ZNF236: variants seen among roughly 807,000 people sequenced by gnomAD.
The protein encoded by ZNF236 is zinc finger protein 236, also known as regulated by glucose.
Under a neutral mutation model 191.2 loss-of-function variants are expected in ZNF236, and 50 were observed. The ratio of observed to expected loss-of-function variants is 0.26; its 90% confidence interval spans 0.21 to 0.33. The LOEUF is 0.33. Ranked by LOEUF, ZNF236 falls within the 10% of genes least tolerant of loss-of-function variation. ZNF236 has a pLI of 1.00. For missense variants in ZNF236, 1,754 were observed against 2,374.5 expected, an observed-to-expected ratio of 0.74 and a Z score of 5.43; for synonymous variants, 907 against 928.8, an observed-to-expected ratio of 0.98 and a Z score of 0.43.
chr18:76,925,203 A>C lies in ZNF236; in HGVS notation c.3676A>C (p.Ser1226Arg). The C allele has an allele frequency of 2.5e-6, 4 of 1,613,286 alleles. No homozygotes were observed. The highest frequency in any genetic ancestry group is 3.4e-6 in the Non-Finnish European group (4 of 1,179,548). ...GCTTTTCACAGGTCAGAAGCTCTTC[A>C]GCTGTCACGTCTGCAGCAACGCCTT... ...VKTHTGQKLF[S>R]CHVCSNAFST... The change falls in exon 22 of 31, where the codon AGC becomes CGC. Residue 1226 changes from serine to arginine, a missense_variant. By Grantham distance (110) the Ser-to-Arg change is moderately radical (BLOSUM62 -1). Around this residue, in one of 5 missense-constraint regions of ZNF236, gnomAD observed 45 missense variants for 137.4 expected, o/e 0.33. Transcript: ENST00000320610. This position sits in a 1 kb window ranked among gnomAD's most constrained non-coding sequence, Gnocchi z 5.7.
chr18:76,874,726 G>A (rs1265996005), intron 5 of ZNF236, among the ~76,000 whole-genome samples: 2 of 152,162 alleles, frequency 1.3e-5, no homozygotes, highest in African/African-American at 2.4e-5. Flanking sequence ...AGCAAGTCTT[G>A]GGGATACTGG....
At position 76,927,658 on chromosome 18, in the gene ZNF236, ATAAGCTTTTCTT is replaced by A; in HGVS notation, c.4414+142_4414+153del. 4.2e-6 allele frequency: 5 copies of A among 1,202,076 alleles called. No individual in the cohort carries two copies. The highest frequency in any genetic ancestry group is 4.5e-6 in the Non-Finnish European group (4 of 885,888). 74.5% of individuals were successfully genotyped at this position (1,202,076 alleles called of 1,614,324 possible). A position where few individuals can be genotyped will look rare whatever the true frequency, so the allele number is the denominator to read the frequency against. ...ATAAATCAAATGTCCTGAGAATAAA[ATAAGCTTTTCTT>A]ACAATTAATGATATGTATTTAATAT... is the stretch of plus-strand genomic sequence containing the variant. On this transcript the variant is annotated intron_variant, in intron 24 of 30. Transcript: ENST00000320610. This position sits in a 1 kb window ranked among gnomAD's most constrained non-coding sequence, Gnocchi z 5.4.
In ZNF236 at chr18:76,880,229, A is replaced by G. The variant is rs529544980; in HGVS notation, c.1101A>G (p.Ser367=). ...TCATCCAGCAGCTCCTGGAGCTCTC[A>G]GAGCCGGCGCCGGTGGAGTCGGGGC... is the stretch of plus-strand genomic sequence containing the variant. ...SDVIQQLLEL[S]EPAPVESGQS... The change falls in exon 8 of 31, where the codon TCA becomes TCG. Residue 367 remains serine, a synonymous_variant. Coordinates refer to ENST00000320610, the MANE Select transcript of ZNF236 (RefSeq NM_001306089.2). The surrounding 1 kb of genome is among the most constrained non-coding windows in gnomAD (Gnocchi z 5.0). The G allele has an allele frequency of 4.2e-5, 67 of 1,614,152 alleles. No individual in the cohort carries two copies. The Admixed American group carries it at 1.1e-3, about 26-fold the overall frequency.
intron 30 of ZNF236, among the ~76,000 whole-genome samples, chr18:76,961,205 G>A (rs1355380868): frequency 2.0e-5 from 3 of 151,396 alleles, no homozygotes; most frequent in African/African-American, 7.3e-5. Flanking sequence ...TCATTCTTAT[G>A]CCTTTGTATC....
At chr18:76,858,189 T>A (rs1311263798) in intron 3 of ZNF236, among the ~76,000 whole-genome samples, 1 of 152,206 alleles carries the variant, frequency 6.6e-6, no homozygotes, top group Non-Finnish European at 1.5e-5. Context: ...TAAAAAAAAA[T>A]CACCCTTATA....
chr18:76,894,319 C>T (rs1977335062), intron 9 of ZNF236, among the ~76,000 whole-genome samples: 1 of 152,204 alleles, frequency 6.6e-6, no homozygotes, highest in Non-Finnish European at 1.5e-5. Flanking sequence ...GTCCCACGCA[C>T]TCACGCTGCT....
At chr18:76,917,118 T>C (rs1280785222) in intron 19 of ZNF236, among the ~76,000 whole-genome samples, 1 of 152,262 alleles carries the variant, frequency 6.6e-6, no homozygotes, top group East Asian at 1.9e-4. Flanking sequence ...TAGATAATTC[T>C]GGAATAAAAG....
At chr18:76,849,791 A>G in intron 2 of ZNF236, 123 bp downstream of exon 2, 8 of 930,136 alleles carry the variant, frequency 8.6e-6, no homozygotes, top group Non-Finnish European at 1.2e-5. Flanking sequence ...TTTATATTCT[A>G]CAAATAAATA....
intron 11 of ZNF236, among the ~76,000 whole-genome samples, chr18:76,902,389 C>T (rs1270828540): frequency 6.6e-6 from 1 of 152,102 alleles, no homozygotes; most frequent in Non-Finnish European, 1.5e-5. Flanking sequence ...AAGTAGAATG[C>T]TCATTGAGGA....
chr18:76,873,774 TCG>T (rs1256537730), intron 5 of ZNF236, among the ~76,000 whole-genome samples: 1 of 152,064 alleles, frequency 6.6e-6, no homozygotes, highest in East Asian at 1.9e-4. Context: ...GGCCACACTC[TCG>T]CCGTGCCTCC....
At position 76,968,560 on chromosome 18, in the gene ZNF236, A is replaced by C. The variant is rs2122991494; in HGVS notation, c.*221A>C. The C allele has an allele frequency of 7.6e-7, 1 of 1,312,686 alleles. No individual in the cohort carries two copies. The highest frequency in any genetic ancestry group is 1.8e-5 in the South Asian group (1 of 55,162). The allele number at this position is 1,312,686 out of a possible 1,614,324, so 81.3% of individuals were successfully genotyped here. A position where few individuals can be genotyped will look rare whatever the true frequency, so the allele number is the denominator to read the frequency against. ...TTCTCTTTTGTCTACAAATCACTGA[A>C]CTCAGGTACTACTGTAGGCAGTTTC... On this transcript the variant is annotated 3_prime_UTR_variant, in exon 31 of 31. Transcript: ENST00000320610.
chr18:76,841,891 G>A (rs556642673), intron 1 of ZNF236, among the ~76,000 whole-genome samples: 17 of 151,974 alleles, frequency 1.1e-4, no homozygotes, highest in South Asian at 4.2e-4. Context: ...TGGAGACAGG[G>A]GTTTGCCATG....
chr18:76,881,069 A>G (rs1441732266), intron 8 of ZNF236, among the ~76,000 whole-genome samples: 1 of 152,230 alleles, frequency 6.6e-6, no homozygotes, highest in African/African-American at 2.4e-5. Context: ...GTAAATGCTT[A>G]TATTATTTTG....
chr18:76,915,929 C>A, intron 19 of ZNF236, 70 bp downstream of exon 19: 1 of 1,446,348 alleles, frequency 6.9e-7, no homozygotes, highest in Non-Finnish European at 9.6e-7. Flanking sequence ...ATTCACAAAT[C>A]ACCGTGAGTA....
chr18:76,849,622 A>G lies in ZNF236; in HGVS notation c.152A>G (p.Glu51Gly). The stretch of plus-strand genomic sequence containing the variant: ...ATCTGTCTACTATCTTTTCCAAAAG[A>G]ATCCCAGTTTCAACGCCACATGAGG... Reference protein sequence around the residue: ...CEICLLSFPKESQFQRHMRDH... With the variant: ...CEICLLSFPKGSQFQRHMRDH... The change falls in exon 2 of 31, where the codon GAA (glutamate) becomes GGA (glycine). Residue 51 changes from glutamate to glycine, a missense_variant. Glu to Gly is a moderately conservative substitution (Grantham distance 98, BLOSUM62 -2). This residue lies in a region of ZNF236 where 336 missense variants were observed against 495.1 expected (regional missense o/e 0.68). Transcript: ENST00000320610. 3 of 1,609,750 alleles carry G rather than the reference A, an allele frequency of 1.9e-6. No individual in the cohort carries two copies. The highest frequency in any genetic ancestry group is 2.5e-6 in the Non-Finnish European group (3 of 1,178,908).
intron 30 of ZNF236, among the ~76,000 whole-genome samples, chr18:76,967,790 G>A (rs909859288): frequency 1.3e-5 from 2 of 152,172 alleles, no homozygotes; most frequent in African/African-American, 2.4e-5. Context: ...AGGGGAGCTC[G>A]ACGGCTTTCA....
intron 9 of ZNF236, chr18:76,885,248 C>G (rs1361016312): frequency 6.6e-6 from 1 of 152,318 alleles, no homozygotes; most frequent in Non-Finnish European, 1.5e-5. Context: ...ATCGGAGATG[C>G]ACTGTTCTCA....
In ZNF236 at chr18:76,827,773, G is replaced by C. The variant is rs190977053; in HGVS notation, c.55+5111G>C. On this transcript the variant is annotated intron_variant, in intron 1 of 30. Transcript: ENST00000320610. ...ATGGGGCAGCATTCATTCAGCACTT[G>C]ATGTGTCCCTGGCACTATCCTGGGG... Among the ~76,000 whole-genome samples the C allele has an allele frequency of 5.4e-4, 82 of 152,316 alleles. 1 individual carries two copies. Among genetic ancestry groups the C allele is most frequent in the Non-Finnish European group, 1.1e-3 (73 of 68,032 alleles).
At position 76,940,342 on chromosome 18, in the gene ZNF236, G is replaced by A. The variant is rs1002380736; in HGVS notation, c.4782+2999G>A. ...GTGGGCTACCCTAGCATTGCGTTTG[G>A]GAACACGGTGGGCGACCCTAGCATT... On this transcript the variant is annotated intron_variant, in intron 26 of 30. Transcript: ENST00000320610. 4.0e-5 allele frequency among the ~76,000 whole-genome samples: 6 copies of A among 149,904 alleles called. No homozygotes were observed. The South Asian group carries it at 1.3e-3, about 32-fold the overall frequency.
Sources: allele counts gnomAD v4.1 joint callset (sites outside exome capture counted in the v4.1 genomes callset), GRCh38; gene constraint gnomAD v4.1.1; regional missense constraint gnomAD v4.1.1; non-coding constraint Gnocchi (gnomAD v3.1); transcripts MANE v1.5; gene names NCBI Gene and HGNC (gene_info 2026-07-23, HGNC 2026-07-21).